The following VAC14 variants were observed in gnomAD, a reference collection of about 807,000 sequenced individuals.
VAC14 encodes protein VAC14 homolog.
VAC14 carries 47 observed loss-of-function variants against 85.3 expected under a neutral mutation model. The ratio of observed to expected loss-of-function variants is 0.55; its 90% CI spans 0.44 to 0.70. The LOEUF is 0.70. Ranked by LOEUF, VAC14 falls within the 30% of genes least tolerant of loss-of-function variation. The probability of loss-of-function intolerance (pLI) is 0.00; values close to 1 mark genes in which losing one functional copy is unlikely to be tolerated. For missense variants in VAC14, 861 were observed against 1,004.3 expected (o/e 0.86, Z 1.93); for synonymous variants, 447 against 430.5 (o/e 1.04, Z -0.47).
intron 10 of VAC14, 73 bp from the exon 11 acceptor site, chr16:70,763,098 C>T (rs2032537466): frequency 1.9e-6 from 3 of 1,597,230 alleles, no homozygotes; most frequent in Middle Eastern, 1.7e-4. Context: ...CATGGCACCA[C>T]CCTGGGCCTG....
intron 18 of VAC14, chr16:70,688,436 A>G (rs1295919634): frequency 9.9e-7 from 1 of 1,006,342 alleles, no homozygotes; most frequent in Non-Finnish European, 1.2e-6. Context: ...CCAGCCAGGA[A>G]GCCAGCTGGG....
chr16:70,698,756 G>A lies in VAC14; in HGVS notation c.1717C>T (p.Leu573=), dbSNP rs1232873348. Residue 573 remains leucine (L), a synonymous_variant, in exon 15 of 19, where the codon CTG becomes TTG. Coordinates refer to ENST00000261776, the MANE Select transcript of VAC14 (RefSeq NM_018052.5). ...AACTTGAGGTCCTCCTCCCGCAGCA[G>A]GATGTCTGCCATTGAGTGGAAGATG... ...ENIFHSMADI[L]LREEDLKFAS... is the part of the protein sequence containing the mutation. The A allele has an allele frequency of 6.2e-7, 1 of 1,614,096 alleles. No individual in the cohort carries two copies. Among genetic ancestry groups the A allele is most frequent in the Non-Finnish European group, 8.5e-7 (1 of 1,180,040 alleles).
chr16:70,757,184 A>G (rs545453930), intron 12 of VAC14, among the ~76,000 whole-genome samples: 12 of 152,318 alleles, frequency 7.9e-5, no homozygotes, highest in African/African-American at 2.9e-4. Flanking sequence ...TGTAGGCCCA[A>G]CTGCAAAGAA....
At chr16:70,717,288 G>A (rs1477241624) in intron 14 of VAC14, among the ~76,000 whole-genome samples, 1 of 152,248 alleles carries the variant, frequency 6.6e-6, no homozygotes, top group Non-Finnish European at 1.5e-5. Flanking sequence ...TGGCCACAAA[G>A]CGGGTGGCCT....
In VAC14 at chr16:70,744,513, G is replaced by A. The variant is rs2030678129; in HGVS notation, c.1438C>T (p.Pro480Ser). Residue 480 changes from proline to serine, a missense_variant, in exon 13 of 19, where the codon CCA (proline) becomes TCA (serine). Physicochemically the swap from Pro to Ser is moderately conservative, Grantham distance 74 (BLOSUM62 -1). Coordinates refer to ENST00000261776, the MANE Select transcript of VAC14 (RefSeq NM_018052.5). ...ASSPAGQTDD[P>S]GPLDGPDLQA... ...AGGTCAGGGCCATCGAGGGGGCCTGGGTCATCCGTCTGGCCTGCGGGGGAG... is the reference window on the plus strand; with the variant it reads ...AGGTCAGGGCCATCGAGGGGGCCTGAGTCATCCGTCTGGCCTGCGGGGGAG... 1 of 1,613,602 alleles carries A rather than the reference G, an allele frequency of 6.2e-7. No homozygotes were observed. The highest frequency in any genetic ancestry group is 8.5e-7 in the Non-Finnish European group (1 of 1,179,896).
chr16:70,709,762 C>T (rs1319374907), intron 14 of VAC14, among the ~76,000 whole-genome samples: 1 of 152,196 alleles, frequency 6.6e-6, no homozygotes, highest in African/African-American at 2.4e-5. Flanking sequence ...GAGGTCCAGG[C>T]TGGGGAGATT....
intron 1 of VAC14, among the ~76,000 whole-genome samples, chr16:70,798,973 A>G (rs149247798): frequency 6.6e-6 from 1 of 152,362 alleles, no homozygotes; most frequent in East Asian, 1.9e-4. Context: ...GAGTTTCTCT[A>G]AATTCCACAA....
At chr16:70,743,460 C>CT (rs552826946) in intron 13 of VAC14, among the ~76,000 whole-genome samples, 3 of 152,228 alleles carry the variant, frequency 2.0e-5, no homozygotes, top group African/African-American at 7.2e-5. Context: ...GCTGCTCACT[C>CT]TTTGAGTCCG....
intron 13 of VAC14, among the ~76,000 whole-genome samples, chr16:70,735,098 T>A (rs538676423): frequency 2.4e-4 from 36 of 152,252 alleles, no homozygotes; most frequent in African/African-American, 8.4e-4. Context: ...AGACTGAGGA[T>A]GCAGGAAATG....
chr16:70,753,372 A>G (rs1424113958), intron 12 of VAC14, among the ~76,000 whole-genome samples: 1 of 152,166 alleles, frequency 6.6e-6, no homozygotes, highest in Non-Finnish European at 1.5e-5. Flanking sequence ...ACTTGCCAAC[A>G]GGGAGGTGCC....
chr16:70,719,889 T>C (rs994612363), intron 14 of VAC14, among the ~76,000 whole-genome samples: 1 of 152,098 alleles, frequency 6.6e-6, no homozygotes, highest in African/African-American at 2.4e-5. Flanking sequence ...TATATGGTTA[T>C]CAAAAGGCAC....
chr16:70,783,351 G>T, intron 6 of VAC14, 94 bp downstream of exon 6: 1 of 1,294,330 alleles, frequency 7.7e-7, no homozygotes, highest in Non-Finnish European at 1.1e-6. Context: ...GTGATTTCCT[G>T]CCCTCCTGCC....
At chr16:70,718,265 T>G (rs1342310453) in intron 14 of VAC14, among the ~76,000 whole-genome samples, 1 of 152,216 alleles carries the variant, frequency 6.6e-6, no homozygotes, top group African/African-American at 2.4e-5. Context: ...CCGTCTGCAT[T>G]TCTCTTTTAA....
Position 70,786,199 on chromosome 16 carries a change from T to C in VAC14, c.255+16A>G, listed in dbSNP as rs750040558. On this transcript the variant is annotated intron_variant, in intron 2 of 18. Coordinates refer to ENST00000261776, the MANE Select transcript of VAC14 (RefSeq NM_018052.5). The stretch of plus-strand genomic sequence containing the variant: ...GGCCAGGACTGGTATGTCTGTCCCT[T>C]GGGTGAAAGGCCCACCTTGCCCAGT... 1.2e-6 allele frequency: 2 copies of C among 1,612,978 alleles called. No individual in the cohort carries two copies. The highest frequency in any genetic ancestry group is 1.7e-4 in the Middle Eastern group (1 of 6,022).
intron 10 of VAC14, among the ~76,000 whole-genome samples, chr16:70,764,331 G>C (rs1274580673): frequency 6.6e-6 from 1 of 152,232 alleles, no homozygotes; most frequent in Non-Finnish European, 1.5e-5. Flanking sequence ...CTGGAACTGA[G>C]TCTCTGGGCG....
intron 13 of VAC14, among the ~76,000 whole-genome samples, chr16:70,742,920 A>G (rs2065790859): frequency 6.6e-6 from 1 of 152,258 alleles, no homozygotes; most frequent in African/African-American, 2.4e-5. Flanking sequence ...GTCTAGCTAG[A>G]GGATTGTAAA....
chr16:70,785,907 G>T (rs1567606489), intron 2 of VAC14, 38 bp from the exon 3 acceptor site: 1 of 1,576,518 alleles, frequency 6.3e-7, no homozygotes, highest in East Asian at 2.3e-5. Context: ...ATCAGAATGG[G>T]TTGGAGCCCA....
intron 14 of VAC14, among the ~76,000 whole-genome samples, chr16:70,703,546 T>C (rs1450464346): frequency 6.6e-6 from 1 of 152,216 alleles, no homozygotes; most frequent in Non-Finnish European, 1.5e-5. Context: ...CCTCCCTCAG[T>C]GGCAATGGAG....
intron 10 of VAC14, 96 bp downstream of exon 10, chr16:70,772,013 G>T: frequency 8.8e-7 from 1 of 1,137,660 alleles, no homozygotes; most frequent in Non-Finnish European, 1.3e-6. Context: ...GCCGCGAGTA[G>T]AATTTGCCTT....
Sources: allele counts gnomAD v4.1 joint callset (sites outside exome capture counted in the v4.1 genomes callset), GRCh38; gene constraint gnomAD v4.1.1; transcripts MANE v1.5; gene names NCBI Gene and HGNC (gene_info 2026-07-23, HGNC 2026-07-21).